PTCHD4: variants seen among roughly 807,000 people sequenced by gnomAD.
PTCHD4 encodes the protein patched domain containing 4.
In PTCHD4, 33 loss-of-function variants were observed where a neutral mutation model predicts 58.1. The observed-to-expected ratio is 0.57, with a 90% CI of 0.43 to 0.76. The LOEUF is 0.76. PTCHD4 is among the 30% of genes least tolerant of loss of function. The pLI is 0.00. For missense variants in PTCHD4, 1,058 were observed against 1,027.1 expected (o/e 1.03, Z -0.41); for synonymous variants, 478 against 409.6 (o/e 1.17, Z -2.02).
chr6:48,060,428 A>T (rs968155343), intron 3 of PTCHD4, among the ~76,000 whole-genome samples: 2 of 152,100 alleles, frequency 1.3e-5, no homozygotes, highest in African/African-American at 4.8e-5. Context: ...AGCCCTTTAC[A>T]TACCTTTTTA....
intron 3 of PTCHD4, among the ~76,000 whole-genome samples, chr6:48,033,343 T>G (rs1018532022): frequency 2.0e-5 from 3 of 152,028 alleles, no homozygotes; most frequent in Non-Finnish European, 4.4e-5. Flanking sequence ...AGTCTGTACT[T>G]TTTTCATCCT....
At chr6:47,995,952 G>A (rs1453353998) in intron 4 of PTCHD4, among the ~76,000 whole-genome samples, 3 of 152,140 alleles carry the variant, frequency 2.0e-5, no homozygotes, top group Non-Finnish European at 4.4e-5. Context: ...AGGAATGGCA[G>A]TTTTCAAACT....
In PTCHD4 at chr6:47,876,631, C is replaced by A. The variant is rs533037051; in HGVS notation, c.*1672G>T. Reference sequence around the variant, plus strand: ...TATTAATTTGATTAAAACATAGAACCAAAGTTGATGGGAAGTAGTAGCTTT... The same window carrying A: ...TATTAATTTGATTAAAACATAGAACAAAAGTTGATGGGAAGTAGTAGCTTT... On this transcript the variant is annotated 3_prime_UTR_variant, in exon 5 of 5. Coordinates refer to ENST00000339488, the MANE Select transcript of PTCHD4 (RefSeq NM_001384253.1). Among the ~76,000 whole-genome samples, 13 of 151,936 alleles carry A rather than the reference C, an allele frequency of 8.6e-5. No individual in the cohort carries two copies. Among genetic ancestry groups the A allele is most frequent in the South Asian group, 6.2e-4 (3 of 4,810 alleles).
intron 4 of PTCHD4, among the ~76,000 whole-genome samples, chr6:47,886,804 ACTTAGCATGT>A (rs1220609529): frequency 5.9e-5 from 9 of 152,150 alleles, no homozygotes; most frequent in African/African-American, 2.2e-4. Flanking sequence ...GCTGATTCCT[ACTTAGCATGT>A]TCTCAAGCAT....
At chr6:47,971,972 G>A (rs1217527852) in intron 4 of PTCHD4, among the ~76,000 whole-genome samples, 1 of 152,128 alleles carries the variant, frequency 6.6e-6, no homozygotes, top group Admixed American at 6.6e-5. Context: ...TAACAGAAAA[G>A]CAAGACAATT....
At chr6:48,106,629 G>A (rs1328881822) in intron 1 of PTCHD4, among the ~76,000 whole-genome samples, 1 of 152,074 alleles carries the variant, frequency 6.6e-6, no homozygotes. Flanking sequence ...AGGAAATAAA[G>A]GGCATTCAAT....
chr6:47,891,045 T>TA (rs59150823), intron 4 of PTCHD4: 92,127 of 125,878 alleles, frequency 0.73, 33,513 homozygotes, highest in East Asian at 0.88. Context: ...TTGCATCAAC[T>TA]AAAAAAAAAA....
chr6:48,016,827 G>GA (rs1762885267), intron 3 of PTCHD4, among the ~76,000 whole-genome samples: 1 of 152,126 alleles, frequency 6.6e-6, no homozygotes, highest in African/African-American at 2.4e-5. Flanking sequence ...ATAGTGCAGA[G>GA]AAAAAAATTA....
intron 1 of PTCHD4, among the ~76,000 whole-genome samples, chr6:48,093,769 T>C (rs1251866977): frequency 6.6e-6 from 1 of 152,048 alleles, no homozygotes; most frequent in African/African-American, 2.4e-5. Flanking sequence ...AAGAAGGAAA[T>C]TGACTATAAA....
At position 47,879,864 on chromosome 6, in the gene PTCHD4, T is replaced by C. The variant is rs190905682; in HGVS notation, c.971A>G (p.Asp324Gly). Residue 324 changes from aspartate to glycine, a missense_variant, in exon 5 of 5, where the codon GAC becomes GGC. By Grantham distance (94) the Asp-to-Gly change is moderately conservative. Transcript: ENST00000339488. ...ATCAGAATAGGCATCTGCTATCCTG[T>C]CTTTGAAGGGCAAGTTCTCTTTGGT... ...RRTKENLPFK[D>G]RIADAYSDVM... 9.4e-6 allele frequency: 15 copies of C among 1,602,892 alleles called. No homozygotes were observed. In the Admixed American group the frequency reaches 2.1e-4, roughly 22 times the overall value.
At position 47,860,789 on chromosome 6, in the gene PTCHD4, A is replaced by G. The variant is rs1763408255; in HGVS notation, c.*17514T>C. ...TTATTTCACTCATTGCTTGGGATTT[A>G]TCTACTTAAGCAAAGCAATTAGGTT... is the stretch of plus-strand genomic sequence containing the variant. On this transcript the variant is annotated 3_prime_UTR_variant, in exon 5 of 5. Coordinates refer to ENST00000339488, the MANE Select transcript of PTCHD4 (RefSeq NM_001384253.1). 6.6e-6 allele frequency among the ~76,000 whole-genome samples: 1 copy of G among 152,024 alleles called. No homozygotes were observed. The highest frequency in any genetic ancestry group is 1.5e-5 in the Non-Finnish European group (1 of 67,952).
At chr6:47,940,458 T>C (rs919063239) in intron 4 of PTCHD4, among the ~76,000 whole-genome samples, 2 of 152,192 alleles carry the variant, frequency 1.3e-5, no homozygotes. Context: ...ATTTAACCAA[T>C]GATTTTGTTT....
chr6:47,894,180 G>A (rs541236697), intron 4 of PTCHD4, among the ~76,000 whole-genome samples: 1 of 152,212 alleles, frequency 6.6e-6, no homozygotes, highest in Non-Finnish European at 1.5e-5. Flanking sequence ...GATGAGTACA[G>A]TACAGGCTTC....
chr6:47,917,987 G>A (rs904645187), intron 4 of PTCHD4, among the ~76,000 whole-genome samples: 1 of 152,112 alleles, frequency 6.6e-6, no homozygotes, highest in Non-Finnish European at 1.5e-5. Context: ...GGATGGATGG[G>A]TCTAGGAAGA....
intron 4 of PTCHD4, among the ~76,000 whole-genome samples, chr6:47,981,184 A>G (rs553286281): frequency 1.3e-5 from 2 of 152,220 alleles, no homozygotes; most frequent in South Asian, 4.1e-4. Flanking sequence ...CACTATGTTG[A>G]TGCCTTTGTC....
chr6:47,930,775 C>G (rs929655686), intron 4 of PTCHD4, among the ~76,000 whole-genome samples: 1 of 152,076 alleles, frequency 6.6e-6, no homozygotes, highest in African/African-American at 2.4e-5. Context: ...TACATATGTA[C>G]TCATGAAGTG....
intron 4 of PTCHD4, among the ~76,000 whole-genome samples, chr6:47,959,959 A>C (rs1275202154): frequency 3.9e-5 from 6 of 152,056 alleles, no homozygotes; most frequent in African/African-American, 1.4e-4. Context: ...TTTTCTTCTT[A>C]TTTAATATTT....
chr6:47,959,854 G>A (rs1282019388), intron 4 of PTCHD4, among the ~76,000 whole-genome samples: 1 of 148,334 alleles, frequency 6.7e-6, no homozygotes, highest in African/African-American at 2.5e-5. Flanking sequence ...ATGTTAAAAG[G>A]AGTCTTCCAA....
intron 4 of PTCHD4, among the ~76,000 whole-genome samples, chr6:47,925,010 G>A (rs1765555818): frequency 1.3e-5 from 2 of 148,922 alleles, no homozygotes; most frequent in South Asian, 2.1e-4. Context: ...TAATATATAT[G>A]TATATATGCT....
Sources: gnomAD v4.1 joint callset for allele counts (sites outside exome capture counted in the v4.1 genomes callset) on GRCh38, gnomAD v4.1.1 for gene constraint, MANE v1.5 for transcripts, NCBI Gene and HGNC (gene_info 2026-07-23, HGNC 2026-07-21) for gene names.